Variants in MYOCOS observed in about 807,000 individuals in gnomAD.
MYOCOS encodes the protein myocilin opposite strand, also known as myocilin opposite strand protein.
chr1:171,614,155 T>C (rs1320749843), intron 1 of MYOCOS, among the ~76,000 whole-genome samples: 1 of 152,252 alleles, frequency 6.6e-6, no homozygotes, highest in Non-Finnish European at 1.5e-5. Flanking sequence ...GGGATATTAA[T>C]GTTCCATTAC....
intron 1 of MYOCOS, among the ~76,000 whole-genome samples, chr1:171,604,981 A>T (rs1036037936): frequency 1.2e-4 from 18 of 152,302 alleles, no homozygotes; most frequent in African/African-American, 4.3e-4. Flanking sequence ...TAGCATAAAC[A>T]TCCTAATAAA....
intron 2 of MYOCOS, among the ~76,000 whole-genome samples, chr1:171,615,860 A>C (rs1169034292): frequency 6.6e-6 from 1 of 152,086 alleles, no homozygotes; most frequent in African/African-American, 2.4e-5. Flanking sequence ...TTCCTTCTAC[A>C]ACTCAGTGTC....
intron 1 of MYOCOS, among the ~76,000 whole-genome samples, chr1:171,607,535 ACTT>A (rs1380434494): frequency 6.6e-6 from 1 of 152,156 alleles, no homozygotes; most frequent in Non-Finnish European, 1.5e-5. Context: ...GGAAGACTGA[ACTT>A]CTAAAATGTG....
Position 171,623,982 on chromosome 1 carries a change from C to T in MYOCOS, c.95+4C>T. 1 of 398,608 alleles carries T rather than the reference C, an allele frequency of 2.5e-6. No homozygotes were observed. The allele number at this position is 398,608 out of a possible 1,614,324, so 24.7% of individuals were successfully genotyped here. A position where few individuals can be genotyped will look rare whatever the true frequency, so the allele number is the denominator to read the frequency against. ...GCCGAGTCACCATGATCACAAGGTA[C>T]CCAAAATCTTTCCTCTGGATCGCTT... On this transcript the variant is annotated splice_donor_region_variant and intron_variant, in intron 2 of 2. Transcript: ENST00000637642.
At chr1:171,614,520 G>A (rs1652413847) in intron 1 of MYOCOS, among the ~76,000 whole-genome samples, 1 of 152,126 alleles carries the variant, frequency 6.6e-6, no homozygotes, top group Non-Finnish European at 1.5e-5. Flanking sequence ...CCCCAGTTGT[G>A]GGCAAGTCAT....
At chr1:171,604,622 TC>T (rs1299264823) in intron 1 of MYOCOS, among the ~76,000 whole-genome samples, 1 of 152,036 alleles carries the variant, frequency 6.6e-6, no homozygotes, top group African/African-American at 2.4e-5. Flanking sequence ...GAAAGAAAGG[TC>T]CCCAAAAATG....
At chr1:171,607,734 T>G (rs1652277338) in intron 1 of MYOCOS, among the ~76,000 whole-genome samples, 1 of 152,230 alleles carries the variant, frequency 6.6e-6, no homozygotes, top group African/African-American at 2.4e-5. Context: ...CAGCATGATA[T>G]TCCTCAACTC....
At chr1:171,615,926 A>G (rs1227229512) in intron 2 of MYOCOS, among the ~76,000 whole-genome samples, 1 of 152,060 alleles carries the variant, frequency 6.6e-6, no homozygotes, top group Non-Finnish European at 1.5e-5. Flanking sequence ...TGCCATTAAC[A>G]GAAATGAGGG....
upstream of MYOCOS, among the ~76,000 whole-genome samples, chr1:171,620,327 C>T (rs1038672901): frequency 1.3e-5 from 2 of 152,016 alleles, no homozygotes; most frequent in Non-Finnish European, 2.9e-5. Flanking sequence ...CAACCTGACT[C>T]TGGCATAATA....
At position 171,623,957 on chromosome 1, in the gene MYOCOS, G is replaced by T. The variant is rs528034006; in HGVS notation, c.74G>T (p.Arg25Leu). ...YKDLTSEVTRRRVTMITRKEI... is the reference protein window; with the variant it reads ...YKDLTSEVTRLRVTMITRKEI... ...GACTTGACCTCCGAGGTAACCAGGC[G>T]CCGAGTCACCATGATCACAAGGTAC... Residue 25 changes from arginine (R) to leucine (L), a missense_variant, in exon 2 of 3, where the codon CGC becomes CTC. Coordinates refer to ENST00000637642, the MANE Select transcript of MYOCOS (RefSeq NM_001391940.1). The T allele has an allele frequency of 2.5e-6, 1 of 398,518 alleles. No individual in the cohort carries two copies. Among genetic ancestry groups the T allele is most frequent in the East Asian group, 3.6e-5 (1 of 28,070 alleles). 24.7% of individuals were successfully genotyped at this position (398,518 alleles called of 1,614,324 possible).
At chr1:171,621,530 C>T (rs1292602589), upstream of MYOCOS, among the ~76,000 whole-genome samples, 4 of 152,090 alleles carry the variant, frequency 2.6e-5, no homozygotes, top group East Asian at 2.0e-4. Context: ...CACCCGCCAC[C>T]ACGCCTGGCT....
chr1:171,608,071 G>A (rs990382564), intron 1 of MYOCOS, among the ~76,000 whole-genome samples: 1 of 152,206 alleles, frequency 6.6e-6, no homozygotes, highest in African/African-American at 2.4e-5. Flanking sequence ...ACAGCAGTAT[G>A]GGGGAAACTG....
rs75663626 is a variant in MYOCOS, at chr1:171,613,470, A to C, written c.-251-1328A>C. On this transcript the variant is annotated intron_variant, in intron 1 of 3. Transcript: ENST00000636697. ...GGTTTCCAAGTATGTTAGCCCATTA[A>C]AGACTTCATTTCAGTCTCAGGATCT... Among the ~76,000 whole-genome samples the C allele has an allele frequency of 8.2e-3, 1,244 of 152,258 alleles. 10 individuals carry two copies. The highest frequency in any genetic ancestry group is 0.028 in the African/African-American group (1,154 of 41,540).
chr1:171,625,720 T>C (rs1652680300), intron 2 of MYOCOS, among the ~76,000 whole-genome samples: 1 of 152,158 alleles, frequency 6.6e-6, no homozygotes, highest in African/African-American at 2.4e-5. Context: ...AAACTGAGGC[T>C]GGACTGGCCC....
chr1:171,616,106 A>C (rs1268657763), intron 2 of MYOCOS, among the ~76,000 whole-genome samples: 1 of 152,050 alleles, frequency 6.6e-6, no homozygotes, highest in Non-Finnish European at 1.5e-5. Flanking sequence ...AATCCCAGCT[A>C]CTTGTGAAGC....
At chr1:171,623,820 T>G (rs1047360368) in intron 1 of MYOCOS, 21 bp from the exon 2 acceptor site, 3 of 398,400 alleles carry the variant, frequency 7.5e-6, no homozygotes, top group Non-Finnish European at 1.3e-5. Context: ...GTGTGCCAGC[T>G]CTTGTGTTTT....
At chr1:171,619,878 T>A (rs566004135), upstream of MYOCOS, among the ~76,000 whole-genome samples, 69 of 150,618 alleles carry the variant, frequency 4.6e-4, no homozygotes, top group South Asian at 0.014. Context: ...TTACAGTGGC[T>A]GTATATCTTC....
At chr1:171,618,685 C>T (rs1237806568), upstream of MYOCOS, among the ~76,000 whole-genome samples, 1 of 152,200 alleles carries the variant, frequency 6.6e-6, no homozygotes, top group African/African-American at 2.4e-5. Context: ...AAGCAATTCT[C>T]CTGTCTCTGC....
chr1:171,605,764 C>T (rs1652232988), intron 1 of MYOCOS, among the ~76,000 whole-genome samples: 1 of 152,082 alleles, frequency 6.6e-6, no homozygotes, highest in Non-Finnish European at 1.5e-5. Flanking sequence ...CACTTAGGCA[C>T]AAGATGGCTC....
Sources: allele counts gnomAD v4.1 joint callset (sites outside exome capture counted in the v4.1 genomes callset), GRCh38; gene constraint gnomAD v4.1.1; transcripts MANE v1.5; gene names NCBI Gene and HGNC (gene_info 2026-07-23, HGNC 2026-07-21).